Variants in XKR4 observed in about 807,000 individuals in gnomAD.
XKR4 encodes the protein XK-related protein 4.
Under a neutral mutation model 53.9 loss-of-function variants are expected in XKR4, and 12 were observed. The ratio of observed to expected loss-of-function variants is 0.22; its 90% CI spans 0.14 to 0.36. The LOEUF (loss-of-function observed/expected upper bound fraction) is 0.36. Among genes scored for constraint, XKR4 ranks in the 10% least tolerant of loss-of-function variants. The probability of loss-of-function intolerance (pLI) is 1.00; values close to 1 mark genes in which losing one functional copy is unlikely to be tolerated. For synonymous variants in XKR4, 354 were observed against 362.4 expected, an observed-to-expected ratio of 0.98 and a Z score of 0.26; for missense variants, 799 against 859.5, an observed-to-expected ratio of 0.93 and a Z score of 0.88.
intron 1 of XKR4, among the ~76,000 whole-genome samples, chr8:55,322,428 C>T (rs1238355881): frequency 6.6e-6 from 1 of 152,132 alleles, no homozygotes; most frequent in Admixed American, 6.5e-5. Context: ...GTAAAAACAG[C>T]AACTATGAAC....
intron 1 of XKR4, among the ~76,000 whole-genome samples, chr8:55,223,350 C>A (rs182156215): frequency 1.3e-5 from 2 of 152,174 alleles, no homozygotes; most frequent in Admixed American, 6.5e-5. Context: ...TCTATTTATC[C>A]AAAAATTAGT....
At chr8:55,377,141 C>G (rs898519606) in intron 2 of XKR4, among the ~76,000 whole-genome samples, 2 of 152,178 alleles carry the variant, frequency 1.3e-5, no homozygotes, top group Non-Finnish European at 2.9e-5. Flanking sequence ...GTTGCCTCCT[C>G]CAGTGAGTTT....
intron 2 of XKR4, among the ~76,000 whole-genome samples, chr8:55,463,168 A>G (rs1390726810): frequency 1.3e-5 from 2 of 152,224 alleles, no homozygotes. Flanking sequence ...TCAACAGAAT[A>G]TACATTCTTT....
At chr8:55,145,938 T>G (rs1816768525) in intron 1 of XKR4, among the ~76,000 whole-genome samples, 1 of 152,236 alleles carries the variant, frequency 6.6e-6, no homozygotes, top group Non-Finnish European at 1.5e-5. Flanking sequence ...TCACTCATTT[T>G]GATTTGGAAA....
intron 1 of XKR4, chr8:55,272,982 A>G (rs532198203): frequency 4.6e-6 from 2 of 434,614 alleles, no homozygotes; most frequent in South Asian, 1.7e-5. Flanking sequence ...ATTTTCAACA[A>G]AAGTGTCTAG....
rs374509017 is a variant in XKR4, at chr8:55,368,161, A to T, written c.1006+10284A>T. ...TTTTTAGTAAAGACGGTGTTTCACC[A>T]TGTTGGCCAGGCTGGTCTTGAACTC... On this transcript the variant is annotated intron_variant, in intron 2 of 2. Transcript: ENST00000327381. Among the ~76,000 whole-genome samples, 6 of 152,168 alleles carry T rather than the reference A, an allele frequency of 3.9e-5. No individual in the cohort carries two copies. In the East Asian group the frequency reaches 1.2e-3, roughly 29 times the overall value.
intron 2 of XKR4, among the ~76,000 whole-genome samples, chr8:55,471,486 C>T (rs186899294): frequency 6.0e-4 from 92 of 152,200 alleles, no homozygotes; most frequent in African/African-American, 2.2e-3. Context: ...CTGTGTTGTA[C>T]CAAGCCCTCC....
chr8:55,164,460 T>A (rs1817035437), intron 1 of XKR4: 1 of 456,166 alleles, frequency 2.2e-6, no homozygotes, highest in South Asian at 1.5e-5. Flanking sequence ...GAGCTGGAAG[T>A]AGTCTACCTG....
chr8:55,522,765 A>T (rs1806814822), intron 2 of XKR4, among the ~76,000 whole-genome samples: 1 of 152,174 alleles, frequency 6.6e-6, no homozygotes, highest in Non-Finnish European at 1.5e-5. Context: ...CCCACTTCAC[A>T]AAATTACCTC....
intron 1 of XKR4, among the ~76,000 whole-genome samples, chr8:55,113,470 C>T (rs1217571946): frequency 2.6e-5 from 4 of 152,178 alleles, no homozygotes; most frequent in East Asian, 1.9e-4. Context: ...AGCAGGGCTT[C>T]GCCAGCCAGG....
chr8:55,135,158 A>G (rs1297036873), intron 1 of XKR4: 1 of 154,976 alleles, frequency 6.5e-6, no homozygotes, highest in Admixed American at 6.3e-5. Flanking sequence ...GTCTACACAC[A>G]TACATGGCTT....
At chr8:55,398,663 C>A (rs1463644852) in intron 2 of XKR4, among the ~76,000 whole-genome samples, 3 of 152,126 alleles carry the variant, frequency 2.0e-5, no homozygotes, top group African/African-American at 7.2e-5. Flanking sequence ...GAGTACCAAT[C>A]AAGCATCAGA....
At chr8:55,374,156 G>A (rs1804114394) in intron 2 of XKR4, among the ~76,000 whole-genome samples, 1 of 152,194 alleles carries the variant, frequency 6.6e-6, no homozygotes, top group Admixed American at 6.5e-5. Context: ...ATCAAGACCT[G>A]AAGGAAATCT....
intron 2 of XKR4, among the ~76,000 whole-genome samples, chr8:55,424,637 A>G (rs1804987413): frequency 6.6e-6 from 1 of 152,260 alleles, no homozygotes; most frequent in Non-Finnish European, 1.5e-5. Context: ...TCAGTATCAC[A>G]AAGAGAATAT....
chr8:55,450,877 CT>C, intron 2 of XKR4: 2 of 471,086 alleles, frequency 4.2e-6, no homozygotes, highest in Non-Finnish European at 8.1e-6. Context: ...GAGCTCCCCC[CT>C]CCCAGCACCG....
intron 2 of XKR4, among the ~76,000 whole-genome samples, chr8:55,425,921 G>A (rs1040472280): frequency 6.6e-6 from 1 of 152,134 alleles, no homozygotes; most frequent in Non-Finnish European, 1.5e-5. Context: ...TGCCATCAGC[G>A]GCTTTCCTTT....
intron 1 of XKR4, among the ~76,000 whole-genome samples, chr8:55,274,460 T>C (rs1818737839): frequency 6.6e-6 from 1 of 151,082 alleles, no homozygotes; most frequent in Admixed American, 6.6e-5. Context: ...TGAGACTGAG[T>C]CTCGCTCTGT....
intron 1 of XKR4, among the ~76,000 whole-genome samples, chr8:55,274,698 A>G (rs1818740746): frequency 6.6e-6 from 1 of 152,024 alleles, no homozygotes; most frequent in South Asian, 2.1e-4. Flanking sequence ...CTTTCAAAGT[A>G]CTAGGATTAC....
chr8:55,451,391 G>A, intron 2 of XKR4: 1 of 810,416 alleles, frequency 1.2e-6, no homozygotes, highest in Non-Finnish European at 2.0e-6. Flanking sequence ...AAGCCGCTAA[G>A]TGTGTTGCGT....
Sources: gnomAD v4.1 joint callset for allele counts (sites outside exome capture counted in the v4.1 genomes callset) on GRCh38, gnomAD v4.1.1 for gene constraint, MANE v1.5 for transcripts, NCBI Gene and HGNC (gene_info 2026-07-23, HGNC 2026-07-21) for gene names.